Variants in ADAMTS3 observed in about 807,000 individuals in gnomAD.
ADAMTS3 encodes A disintegrin and metalloproteinase with thrombospondin motifs 3.
Under a neutral mutation model 129.0 loss-of-function variants are expected in ADAMTS3, and 73 were observed. That is an observed-to-expected ratio of 0.57 (90% CI 0.47 to 0.69). ADAMTS3 has a LOEUF of 0.69. Ranked by LOEUF, ADAMTS3 falls within the 30% of genes least tolerant of loss-of-function variation. The pLI, the probability that ADAMTS3 is intolerant of heterozygous loss-of-function variation, is 0.00. For missense variants in ADAMTS3, 1,457 were observed against 1,514.5 expected, an observed-to-expected ratio of 0.96 and a Z score of 0.63; for synonymous variants, 477 against 510.8, an observed-to-expected ratio of 0.93 and a Z score of 0.89.
intron 3 of ADAMTS3, among the ~76,000 whole-genome samples, chr4:72,545,496 T>G (rs1578782780): frequency 6.6e-6 from 1 of 152,218 alleles, no homozygotes; most frequent in Admixed American, 6.5e-5. Context: ...CTCATCATTC[T>G]TCATTCTGAA....
chr4:72,557,469 C>T (rs572075253), intron 2 of ADAMTS3, among the ~76,000 whole-genome samples: 1 of 151,960 alleles, frequency 6.6e-6, no homozygotes, highest in South Asian at 2.1e-4. Context: ...GCTCTTATCA[C>T]CACAAGTCCG....
Position 72,548,538 on chromosome 4 carries a change from A to AT in ADAMTS3, c.443dup (p.Tyr148Ter). Residue 148 changes from tyrosine to a stop codon, truncating the protein, a stop_gained and frameshift_variant, in exon 3 of 22, where the codon TAT becomes TAAT. Coordinates refer to ENST00000286657, the MANE Select transcript of ADAMTS3 (RefSeq NM_014243.3). LOFTEE classifies it high-confidence loss of function. ...CTGGAATGTCCACGATGTCACCAAC[A>AT]TAAGCACAGTTAGTCTGCAAAGGCT... The part of the protein sequence containing the change: ...RTEPLQTNCA[Y>*]VGDIVDIPGT... 6.2e-7 allele frequency: 1 copy of AT among 1,613,956 alleles called. No homozygotes were observed. Among genetic ancestry groups the AT allele is most frequent in the Non-Finnish European group, 8.5e-7 (1 of 1,179,860 alleles).
chr4:72,376,268 A>G (rs1721130651), intron 4 of ADAMTS3, among the ~76,000 whole-genome samples: 1 of 152,210 alleles, frequency 6.6e-6, no homozygotes. Context: ...ATCAAGGTTA[A>G]TATCTGGTGA....
At chr4:72,424,966 C>A (rs545681484) in intron 3 of ADAMTS3, among the ~76,000 whole-genome samples, 1 of 151,938 alleles carries the variant, frequency 6.6e-6, no homozygotes, top group Non-Finnish European at 1.5e-5. Context: ...GTATAGGTTG[C>A]TACATATTCT....
rs140773282 is a variant in ADAMTS3 at position 72,523,830 on chromosome 4, A to G, written c.504+24648T>C. Among the ~76,000 whole-genome samples, 111 of 152,250 alleles carry G rather than the reference A, an allele frequency of 7.3e-4. 1 individual carries two copies. In the East Asian group the frequency reaches 0.016, roughly 22 times the overall value. ...ATGTGACTTATAAATGCAAGATTATATGTCTATTTATCAAATACAATTTAT... is the reference window on the plus strand; with the variant it reads ...ATGTGACTTATAAATGCAAGATTATGTGTCTATTTATCAAATACAATTTAT... On this transcript the variant is annotated intron_variant, in intron 3 of 21. Transcript: ENST00000286657.
At chr4:72,303,376 A>G (rs574760529) in intron 17 of ADAMTS3, among the ~76,000 whole-genome samples, 3 of 152,224 alleles carry the variant, frequency 2.0e-5, no homozygotes, top group African/African-American at 7.2e-5. Flanking sequence ...ATAAAAACAC[A>G]GTGCTGAAAG....
chr4:72,451,989 C>G (rs926598353), intron 3 of ADAMTS3, among the ~76,000 whole-genome samples: 5 of 151,664 alleles, frequency 3.3e-5, no homozygotes, highest in Admixed American at 2.6e-4. Flanking sequence ...ACTCAGGAGA[C>G]TTAGGTGGGA....
At chr4:72,357,745 C>A (rs1274477751) in intron 4 of ADAMTS3, among the ~76,000 whole-genome samples, 1 of 151,848 alleles carries the variant, frequency 6.6e-6, no homozygotes, top group African/African-American at 2.4e-5. Context: ...ATGGTTACAT[C>A]TGTAAATTTT....
intron 3 of ADAMTS3, among the ~76,000 whole-genome samples, chr4:72,441,398 G>A (rs1718113379): frequency 6.6e-6 from 1 of 151,706 alleles, no homozygotes; most frequent in South Asian, 2.1e-4. Flanking sequence ...ATGATTTATA[G>A]GCTTTCTTTA....
At chr4:72,562,201 A>G (rs576602610) in intron 2 of ADAMTS3, among the ~76,000 whole-genome samples, 95 of 152,358 alleles carry the variant, frequency 6.2e-4, no homozygotes, top group Admixed American at 2.0e-3. Flanking sequence ...TTTAAAAATT[A>G]TATTCAAATA....
chr4:72,321,555 GT>G (rs1719556201), intron 6 of ADAMTS3, among the ~76,000 whole-genome samples: 1 of 152,044 alleles, frequency 6.6e-6, no homozygotes, highest in African/African-American at 2.4e-5. Context: ...TTAGATTTCA[GT>G]TTCATAGAAT....
intron 4 of ADAMTS3, among the ~76,000 whole-genome samples, chr4:72,375,978 G>A (rs1721124395): frequency 6.6e-6 from 1 of 152,120 alleles, no homozygotes; most frequent in Non-Finnish European, 1.5e-5. Flanking sequence ...CAATTTATAT[G>A]GAGAAGAAGA....
intron 4 of ADAMTS3, among the ~76,000 whole-genome samples, chr4:72,393,442 G>T (rs1331422586): frequency 2.0e-5 from 3 of 152,062 alleles, no homozygotes; most frequent in Non-Finnish European, 4.4e-5. Flanking sequence ...AGTAATAAAT[G>T]AATACATAAT....
chr4:72,554,799 A>G (rs1408794806), intron 2 of ADAMTS3, among the ~76,000 whole-genome samples: 1 of 151,808 alleles, frequency 6.6e-6, no homozygotes, highest in African/African-American at 2.4e-5. Context: ...ATACCAAAAT[A>G]CTGTCTAAAT....
rs751931397 is a variant in ADAMTS3, at chr4:72,295,804, G to C, written c.2591-18C>G. On this transcript the variant is annotated intron_variant, in intron 18 of 21. Coordinates refer to ENST00000286657, the MANE Select transcript of ADAMTS3 (RefSeq NM_014243.3). ...CTGGAAACCTGGAAAAGGAAATAAA[G>C]TTCTTTGGATTTAATCACTTCTTCA... 1 of 1,607,470 alleles carries C rather than the reference G, an allele frequency of 6.2e-7. No homozygotes were observed. The highest frequency in any genetic ancestry group is 8.5e-7 in the Non-Finnish European group (1 of 1,177,174).
At chr4:72,449,829 T>C (rs1376982522) in intron 3 of ADAMTS3, among the ~76,000 whole-genome samples, 1 of 151,792 alleles carries the variant, frequency 6.6e-6, no homozygotes, top group Admixed American at 6.6e-5. Flanking sequence ...AGAAATGTTT[T>C]GCCCCTTAGT....
intron 3 of ADAMTS3, among the ~76,000 whole-genome samples, chr4:72,472,516 G>C (rs1719099193): frequency 6.6e-6 from 1 of 151,882 alleles, no homozygotes; most frequent in African/African-American, 2.4e-5. Context: ...TAGCAAAATG[G>C]GCTAATTAAC....
chr4:72,545,595 G>A (rs1218003390), intron 3 of ADAMTS3, among the ~76,000 whole-genome samples: 1 of 152,022 alleles, frequency 6.6e-6, no homozygotes, highest in Admixed American at 6.6e-5. Context: ...GTGTAGCCTG[G>A]TGTAGGTACC....
chr4:72,541,681 T>A (rs1393168823), intron 3 of ADAMTS3, among the ~76,000 whole-genome samples: 8 of 152,150 alleles, frequency 5.3e-5, no homozygotes, highest in African/African-American at 1.9e-4. Context: ...ATAGTGAATA[T>A]GTCTCATGAG....
Sources: allele counts gnomAD v4.1 joint callset (sites outside exome capture counted in the v4.1 genomes callset), GRCh38; gene constraint gnomAD v4.1.1; transcripts MANE v1.5; gene names NCBI Gene and HGNC (gene_info 2026-07-23, HGNC 2026-07-21).